Variants in PRKD1 observed in about 807,000 individuals in gnomAD.
PRKD1 encodes serine/threonine-protein kinase D1.
PRKD1 carries 63 observed loss-of-function variants against 95.9 expected under a neutral mutation model. The ratio of observed to expected loss-of-function variants is 0.66; its 90% CI spans 0.54 to 0.81. The LOEUF is 0.81. PRKD1 is among the 30% of genes least tolerant of loss of function. The probability of loss-of-function intolerance (pLI) is 0.00; values close to 1 mark genes in which losing one functional copy is unlikely to be tolerated. For missense variants in PRKD1, 1,048 were observed against 1,165.3 expected (o/e 0.90, Z 1.47); for synonymous variants, 425 against 423.1 (o/e 1.00, Z -0.05).
chr14:29,607,469 C>T (rs1017273801), intron 13 of PRKD1, among the ~76,000 whole-genome samples: 4 of 152,150 alleles, frequency 2.6e-5, no homozygotes, highest in Non-Finnish European at 5.9e-5. Context: ...GAGGGAGAAC[C>T]GCTTCCAAGC....
At chr14:29,923,879 A>G (rs1236036910) in intron 1 of PRKD1, among the ~76,000 whole-genome samples, 1 of 151,562 alleles carries the variant, frequency 6.6e-6, no homozygotes, top group Non-Finnish European at 1.5e-5. Flanking sequence ...ATGATGTACT[A>G]TGAAACCAAA....
rs1214723122 is a variant in PRKD1, at chr14:29,826,722, CATATAT to C, written c.264+100521_264+100526del. On this transcript the variant is annotated intron_variant, in intron 1 of 17. Transcript: ENST00000331968. ...ATACATATATACACATATATATATACATATATATACACATATATATACACATATATA... is the reference window on the plus strand; with the variant it reads ...ATACATATATACACATATATATATACATACACATATATATACACATATATA... Among the ~76,000 whole-genome samples, 2 of 67,146 alleles carry C rather than the reference CATATAT, an allele frequency of 3.0e-5. 1 individual carries two copies. Among genetic ancestry groups the C allele is most frequent in the Non-Finnish European group, 5.6e-5 (2 of 35,426 alleles). 44.1% of individuals were successfully genotyped at this position (67,146 alleles called of 152,430 possible). A position where few individuals can be genotyped will look rare whatever the true frequency, so the allele number is the denominator to read the frequency against.
At chr14:29,787,703 T>G (rs988469351) in intron 1 of PRKD1, among the ~76,000 whole-genome samples, 2 of 152,148 alleles carry the variant, frequency 1.3e-5, no homozygotes, top group Admixed American at 1.3e-4. Flanking sequence ...ATGCCTTCAC[T>G]TTCATTTTAT....
chr14:29,852,313 T>C (rs998792276), intron 1 of PRKD1, among the ~76,000 whole-genome samples: 1 of 152,094 alleles, frequency 6.6e-6, no homozygotes, highest in Non-Finnish European at 1.5e-5. Flanking sequence ...AAGGAAATTA[T>C]GATGCTTAAA....
intron 2 of PRKD1, among the ~76,000 whole-genome samples, chr14:29,671,256 G>C (rs2139233600): frequency 6.6e-6 from 1 of 152,230 alleles, no homozygotes; most frequent in Non-Finnish European, 1.5e-5. Context: ...CTGGTAACTA[G>C]ATAAATGTTG....
At chr14:29,707,452 T>G (rs1027170573) in intron 2 of PRKD1, among the ~76,000 whole-genome samples, 23 of 152,296 alleles carry the variant, frequency 1.5e-4, no homozygotes, top group African/African-American at 5.5e-4. Context: ...ATTGTGCTTA[T>G]TGTCAGGCTC....
At chr14:29,904,989 C>T (rs1051356952) in intron 1 of PRKD1, among the ~76,000 whole-genome samples, 4 of 152,302 alleles carry the variant, frequency 2.6e-5, no homozygotes, top group Non-Finnish European at 4.4e-5. Context: ...TGACATTGCA[C>T]TCTGAATCTG....
In PRKD1 at chr14:29,576,875, C is replaced by G; in HGVS notation, c.*363G>C. On this transcript the variant is annotated 3_prime_UTR_variant, in exon 18 of 18. Transcript: ENST00000331968. ...CAATGACAACACCAATGGGACACAC[C>G]AAACAGAACTACTTCACAGATACAT... 3.6e-6 allele frequency: 1 copy of G among 279,906 alleles called. No homozygotes were observed. The highest frequency in any genetic ancestry group is 7.0e-6 in the Non-Finnish European group (1 of 143,110). 17.3% of individuals were successfully genotyped at this position (279,906 alleles called of 1,614,324 possible).
At chr14:29,779,208 T>G (rs761216713) in intron 1 of PRKD1, among the ~76,000 whole-genome samples, 5 of 152,050 alleles carry the variant, frequency 3.3e-5, no homozygotes, top group Non-Finnish European at 7.4e-5. Context: ...ACGGGAAGCG[T>G]TCCCTTTGAA....
chr14:29,871,885 A>G (rs997091546), intron 1 of PRKD1, among the ~76,000 whole-genome samples: 9 of 152,168 alleles, frequency 5.9e-5, no homozygotes, highest in Non-Finnish European at 1.3e-4. Flanking sequence ...GTGGTAAACT[A>G]TTGGCCCAAG....
chr14:29,645,759 T>C (rs1434967319), intron 4 of PRKD1, among the ~76,000 whole-genome samples: 3 of 152,120 alleles, frequency 2.0e-5, no homozygotes, highest in Non-Finnish European at 4.4e-5. Context: ...ATTTACTCTT[T>C]CCCTTTCTTC....
At chr14:29,708,208 G>C (rs1404214701) in intron 2 of PRKD1, among the ~76,000 whole-genome samples, 2 of 152,080 alleles carry the variant, frequency 1.3e-5, no homozygotes, top group Non-Finnish European at 2.9e-5. Flanking sequence ...TGAGGCAATG[G>C]GGAGTTGAAG....
chr14:29,775,661 G>A (rs1002829783), intron 1 of PRKD1, among the ~76,000 whole-genome samples: 1 of 152,146 alleles, frequency 6.6e-6, no homozygotes, highest in African/African-American at 2.4e-5. Flanking sequence ...CTCAAACTGG[G>A]TGGAGGCCAC....
At chr14:29,634,324 G>C (rs1427070915) in intron 8 of PRKD1, 94 bp downstream of exon 8, 7 of 1,578,222 alleles carry the variant, frequency 4.4e-6, no homozygotes, top group Non-Finnish European at 6.1e-6. Flanking sequence ...TTTACTCTGA[G>C]TAATGCAGAA....
At chr14:29,786,439 G>A (rs1889277078) in intron 1 of PRKD1, among the ~76,000 whole-genome samples, 1 of 152,052 alleles carries the variant, frequency 6.6e-6, no homozygotes, top group Non-Finnish European at 1.5e-5. Flanking sequence ...TTATAAGTTT[G>A]GTATACTTCA....
At chr14:29,801,054 A>T (rs1352394544) in intron 1 of PRKD1, among the ~76,000 whole-genome samples, 1 of 152,086 alleles carries the variant, frequency 6.6e-6, no homozygotes, top group Non-Finnish European at 1.5e-5. Flanking sequence ...TTCTCCAGAG[A>T]AAGGGGACCC....
intron 1 of PRKD1, among the ~76,000 whole-genome samples, chr14:29,856,708 G>A (rs1258612479): frequency 6.6e-6 from 1 of 152,162 alleles, no homozygotes; most frequent in Non-Finnish European, 1.5e-5. Flanking sequence ...CAAGTACCAT[G>A]GGTCCTGAAG....
At chr14:29,869,009 C>T (rs1337265859) in intron 1 of PRKD1, among the ~76,000 whole-genome samples, 1 of 152,088 alleles carries the variant, frequency 6.6e-6, no homozygotes, top group Non-Finnish European at 1.5e-5. Context: ...AAGTTATTAG[C>T]CACTAGTACC....
At chr14:29,755,138 T>C (rs957952802) in intron 1 of PRKD1, among the ~76,000 whole-genome samples, 33 of 152,160 alleles carry the variant, frequency 2.2e-4, no homozygotes, top group African/African-American at 7.5e-4. Context: ...AGACCTTGCT[T>C]AACTCTTCAT....
Sources: gnomAD v4.1 joint callset for allele counts (sites outside exome capture counted in the v4.1 genomes callset) on GRCh38, gnomAD v4.1.1 for gene constraint, MANE v1.5 for transcripts, NCBI Gene and HGNC (gene_info 2026-07-23, HGNC 2026-07-21) for gene names.